PHACTR1: variants seen among roughly 807,000 people sequenced by gnomAD.
PHACTR1 encodes the protein phosphatase and actin regulator 1.
Under a neutral mutation model 69.2 loss-of-function variants are expected in PHACTR1, and 16 were observed. The observed-to-expected ratio is 0.23, with a 90% CI of 0.16 to 0.35. PHACTR1 has a LOEUF of 0.35. Among genes scored for constraint, PHACTR1 ranks in the 10% least tolerant of loss-of-function variants. The pLI is 1.00. For synonymous variants in PHACTR1, 312 were observed against 284.5 expected (o/e 1.10, Z -0.97); for missense variants, 510 against 734.7 (o/e 0.69, Z 3.54).
At chr6:13,230,377 C>A in intron 10 of PHACTR1, 184 bp downstream of exon 10, 2 of 1,368,762 alleles carry the variant, frequency 1.5e-6, no homozygotes, top group Non-Finnish European at 1.9e-6. Flanking sequence ...CATGGTGAAA[C>A]CCCATCTCTA....
intron 6 of PHACTR1, among the ~76,000 whole-genome samples, chr6:13,164,851 C>G (rs1344876950): frequency 1.3e-5 from 2 of 152,148 alleles, no homozygotes; most frequent in African/African-American, 4.8e-5. Context: ...AAAATGAGAG[C>G]TTGGGTCTAA....
chr6:13,125,650 T>G (rs996190091), intron 5 of PHACTR1, among the ~76,000 whole-genome samples: 2 of 152,336 alleles, frequency 1.3e-5, no homozygotes, highest in South Asian at 4.1e-4. Flanking sequence ...ATTGTGTTTC[T>G]GGGCATGGCA....
intron 4 of PHACTR1, among the ~76,000 whole-genome samples, chr6:12,828,719 C>T (rs890971473): frequency 4.6e-5 from 7 of 151,176 alleles, no homozygotes; most frequent in South Asian, 2.1e-4. Context: ...AAACAAAAAC[C>T]GACCAAAAAA....
At chr6:12,766,846 AG>A (rs369187611) in intron 4 of PHACTR1, among the ~76,000 whole-genome samples, 3 of 152,356 alleles carry the variant, frequency 2.0e-5, no homozygotes, top group African/African-American at 7.2e-5. Context: ...TTTATTTCAA[AG>A]GATCTAGAAG....
Position 12,906,229 on chromosome 6 carries a change from ATTAC to A in PHACTR1, c.251-147134_251-147131del, listed in dbSNP as rs1357284964. On this transcript the variant is annotated intron_variant, in intron 4 of 14. Transcript: ENST00000332995. The stretch of plus-strand genomic sequence containing the variant: ...ATGCTCAGTGGCATTCGACTATAGA[ATTAC>A]TGCAATCTAGGGATTTGGGAGGGAT... Among the ~76,000 whole-genome samples, 125 of 152,352 alleles carry A rather than the reference ATTAC, an allele frequency of 8.2e-4. No individual in the cohort carries two copies. In the Middle Eastern group the frequency reaches 0.017, roughly 21 times the overall value.
chr6:12,908,031 A>G (rs1433958429), intron 4 of PHACTR1, among the ~76,000 whole-genome samples: 1 of 152,244 alleles, frequency 6.6e-6, no homozygotes, highest in African/African-American at 2.4e-5. Context: ...AGCTTAGCCT[A>G]TGTAGCTGTG....
chr6:12,882,944 T>C (rs1434505521), intron 4 of PHACTR1, among the ~76,000 whole-genome samples: 1 of 152,222 alleles, frequency 6.6e-6, no homozygotes, highest in Non-Finnish European at 1.5e-5. Flanking sequence ...TTAATGGGGC[T>C]CCAGCACCTT....
At chr6:12,892,748 T>A (rs984394293) in intron 4 of PHACTR1, among the ~76,000 whole-genome samples, 3 of 152,206 alleles carry the variant, frequency 2.0e-5, no homozygotes, top group African/African-American at 7.2e-5. Flanking sequence ...ATGTAAGACA[T>A]TGTCATAGCT....
At chr6:13,056,923 G>A (rs1806871510) in intron 5 of PHACTR1, among the ~76,000 whole-genome samples, 1 of 152,152 alleles carries the variant, frequency 6.6e-6, no homozygotes, top group Non-Finnish European at 1.5e-5. Flanking sequence ...TGACTTACCA[G>A]GATCCTTGCT....
rs1193379888 is a variant in PHACTR1, at chr6:12,753,366, T to C, written c.250+3576T>C. 5.3e-5 allele frequency among the ~76,000 whole-genome samples: 8 copies of C among 152,208 alleles called. No individual in the cohort carries two copies. In the South Asian group the frequency reaches 1.5e-3, roughly 28 times the overall value. On this transcript the variant is annotated intron_variant, in intron 4 of 14. Coordinates refer to ENST00000332995, the MANE Select transcript of PHACTR1 (RefSeq NM_030948.6). Reference sequence around the variant, plus strand: ...AGTATATGGAGGATTACCTGATACATAGAAGCTGCTGAAACTGAAAAACTC... The same window carrying C: ...AGTATATGGAGGATTACCTGATACACAGAAGCTGCTGAAACTGAAAAACTC...
intron 3 of PHACTR1, among the ~76,000 whole-genome samples, chr6:12,734,925 T>A (rs1024472277): frequency 6.6e-6 from 1 of 152,250 alleles, no homozygotes; most frequent in African/African-American, 2.4e-5. Context: ...CAATTGATGC[T>A]CTGAGTCCAT....
chr6:13,008,028 C>T (rs13207725), intron 4 of PHACTR1, among the ~76,000 whole-genome samples: 1 of 152,256 alleles, frequency 6.6e-6, no homozygotes, highest in South Asian at 2.1e-4. Context: ...CCCCACAAAA[C>T]ACACAAAAAA....
At chr6:12,793,616 G>T (rs1319396245) in intron 4 of PHACTR1, among the ~76,000 whole-genome samples, 1 of 152,192 alleles carries the variant, frequency 6.6e-6, no homozygotes, top group Non-Finnish European at 1.5e-5. Flanking sequence ...CAGAAAAGAA[G>T]AATGACTTTT....
At chr6:12,825,128 C>G (rs1581933498) in intron 4 of PHACTR1, among the ~76,000 whole-genome samples, 1 of 151,838 alleles carries the variant, frequency 6.6e-6, no homozygotes, top group Non-Finnish European at 1.5e-5. Flanking sequence ...CACACACACA[C>G]AGACACACAC....
At chr6:12,777,557 G>C (rs146990835) in intron 4 of PHACTR1, among the ~76,000 whole-genome samples, 1 of 151,116 alleles carries the variant, frequency 6.6e-6, no homozygotes, top group African/African-American at 2.4e-5. Context: ...TGCTGCAAAG[G>C]CCATGACCTC....
intron 4 of PHACTR1, among the ~76,000 whole-genome samples, chr6:12,751,934 T>C (rs905336675): frequency 6.6e-6 from 1 of 152,128 alleles, no homozygotes; most frequent in South Asian, 2.1e-4. Flanking sequence ...GAGAAGTGAC[T>C]GTAAGTTGGA....
At chr6:12,881,827 A>G (rs1041380088) in intron 4 of PHACTR1, among the ~76,000 whole-genome samples, 6 of 152,186 alleles carry the variant, frequency 3.9e-5, no homozygotes, top group South Asian at 2.1e-4. Context: ...ATGATGTCCC[A>G]TGCCAGCAGA....
chr6:13,061,699 T>A (rs958913771), intron 5 of PHACTR1, among the ~76,000 whole-genome samples: 1 of 152,156 alleles, frequency 6.6e-6, no homozygotes, highest in African/African-American at 2.4e-5. Context: ...ATTTGCTGAG[T>A]TTTGTGCTGA....
intron 4 of PHACTR1, among the ~76,000 whole-genome samples, chr6:12,985,645 G>C (rs1469786248): frequency 2.0e-5 from 3 of 149,820 alleles, no homozygotes; most frequent in Non-Finnish European, 4.4e-5. Context: ...CCAAAACCTA[G>C]AAACAACTCA....
Sources: gnomAD v4.1 joint callset for allele counts (sites outside exome capture counted in the v4.1 genomes callset) on GRCh38, gnomAD v4.1.1 for gene constraint, MANE v1.5 for transcripts, NCBI Gene and HGNC (gene_info 2026-07-23, HGNC 2026-07-21) for gene names.